TAOK3: variants seen among roughly 807,000 people sequenced by gnomAD.
TAOK3 encodes the protein TAO kinase 3.
Under a neutral mutation model 120.4 loss-of-function variants are expected in TAOK3, and 40 were observed. The observed-to-expected ratio is 0.33, with a 90% CI of 0.26 to 0.43. The LOEUF (loss-of-function observed/expected upper bound fraction) is 0.43. Ranked by LOEUF, TAOK3 falls within the 20% of genes least tolerant of loss-of-function variation. TAOK3 has a pLI of 1.00. For synonymous variants in TAOK3, 355 were observed against 387.5 expected (o/e 0.92, Z 0.99); for missense variants, 821 against 1,112.1 (o/e 0.74, Z 3.72).
intron 3 of TAOK3, among the ~76,000 whole-genome samples, chr12:118,254,570 A>T (rs2040898308): frequency 6.6e-6 from 1 of 152,224 alleles, no homozygotes; most frequent in Admixed American, 6.5e-5. Context: ...TTAGGGGTGG[A>T]GTCTTGAACA....
chr12:118,260,352 G>A (rs1183966444), intron 2 of TAOK3, among the ~76,000 whole-genome samples: 1 of 152,086 alleles, frequency 6.6e-6, no homozygotes, highest in Non-Finnish European at 1.5e-5. Context: ...TAACTTAACT[G>A]TGTTCCAGAA....
At chr12:118,294,547 C>A (rs578244743) in intron 1 of TAOK3, among the ~76,000 whole-genome samples, 2 of 152,152 alleles carry the variant, frequency 1.3e-5, no homozygotes, top group East Asian at 3.9e-4. Context: ...CCATGCCCAG[C>A]TAATTTTTGT....
intron 17 of TAOK3, among the ~76,000 whole-genome samples, chr12:118,166,794 C>T (rs982887555): frequency 6.9e-6 from 1 of 145,448 alleles, no homozygotes; most frequent in Non-Finnish European, 1.5e-5. Context: ...CACCCATGTA[C>T]TCAATGTATG....
chr12:118,311,492 A>G (rs2043260899), intron 1 of TAOK3, among the ~76,000 whole-genome samples: 1 of 152,192 alleles, frequency 6.6e-6, no homozygotes, highest in South Asian at 2.1e-4. Flanking sequence ...AGAGCTCACA[A>G]ATAAGTTTGT....
chr12:118,358,425 T>A (rs1284719828), intron 1 of TAOK3, among the ~76,000 whole-genome samples: 2 of 152,208 alleles, frequency 1.3e-5, no homozygotes, highest in Non-Finnish European at 2.9e-5. Context: ...TCCCTTTCTG[T>A]GAATGAAGAA....
chr12:118,215,873 C>A (rs559431301), intron 9 of TAOK3, among the ~76,000 whole-genome samples: 2 of 152,038 alleles, frequency 1.3e-5, no homozygotes, highest in African/African-American at 4.8e-5. Context: ...TGTGTGCCAC[C>A]ACGCTGGACT....
intron 1 of TAOK3, among the ~76,000 whole-genome samples, chr12:118,322,842 C>T (rs1286738347): frequency 1.3e-5 from 2 of 150,312 alleles, no homozygotes; most frequent in Admixed American, 6.7e-5. Context: ...TCTCCTGCCT[C>T]AGCCTCCCGA....
intron 2 of TAOK3, among the ~76,000 whole-genome samples, chr12:118,258,947 T>A (rs1005438329): frequency 2.0e-5 from 3 of 152,052 alleles, no homozygotes; most frequent in Non-Finnish European, 4.4e-5. Flanking sequence ...TTGGCTTCCA[T>A]GTGAATAAAG....
At chr12:118,174,029 GA>G (rs2138701929) in intron 16 of TAOK3, among the ~76,000 whole-genome samples, 1 of 152,284 alleles carries the variant, frequency 6.6e-6, no homozygotes, top group South Asian at 2.1e-4. Flanking sequence ...ATCACAAGAG[GA>G]AGCCTGGGTC....
chr12:118,342,957 A>AGAG (rs1555257894), intron 1 of TAOK3, among the ~76,000 whole-genome samples: 6 of 120,448 alleles, frequency 5.0e-5, no homozygotes, highest in African/African-American at 2.2e-4. Flanking sequence ...AAAAAAAAAA[A>AGAG]AGAGAGAGAG....
At chr12:118,365,223 C>A (rs906700593) in intron 1 of TAOK3, among the ~76,000 whole-genome samples, 1 of 152,020 alleles carries the variant, frequency 6.6e-6, no homozygotes, top group African/African-American at 2.4e-5. Flanking sequence ...AAATCAGTAT[C>A]TCTCTCTCTT....
intron 1 of TAOK3, among the ~76,000 whole-genome samples, chr12:118,369,263 A>G (rs1282097038): frequency 6.6e-6 from 1 of 152,336 alleles, no homozygotes; most frequent in South Asian, 2.1e-4. Context: ...CTCGTAGTAT[A>G]GTTTTAGTTT....
At chr12:118,236,666 T>A (rs760481144) in intron 7 of TAOK3, 3 of 152,076 alleles carry the variant, frequency 2.0e-5, no homozygotes, top group Non-Finnish European at 4.4e-5. Context: ...TCCTTCCTCA[T>A]GGTGACATTA....
chr12:118,364,136 CAAAA>C (rs1016659050), intron 1 of TAOK3, among the ~76,000 whole-genome samples: 1 of 151,388 alleles, frequency 6.6e-6, no homozygotes, highest in African/African-American at 2.4e-5. Flanking sequence ...AACTCCATCT[CAAAA>C]AACAAACAAA....
At chr12:118,237,932 CT>C (rs2040082987) in intron 7 of TAOK3, 140 bp downstream of exon 7, 2 of 540,236 alleles carry the variant, frequency 3.7e-6, no homozygotes, top group East Asian at 2.8e-5. Context: ...CAACTTTATC[CT>C]TTATATCCAG....
intron 1 of TAOK3, among the ~76,000 whole-genome samples, chr12:118,368,560 C>G (rs191162292): frequency 0.011 from 1,706 of 148,848 alleles, 15 homozygotes; most frequent in Middle Eastern, 0.024. Context: ...AATCCCAGCA[C>G]TTAGAGAAGC....
At chr12:118,234,212 ATTTTTTTTTTTTTTTTTTTTTTTTTTTT>A (rs763473530) in intron 8 of TAOK3, among the ~76,000 whole-genome samples, 1 of 58,320 alleles carries the variant, frequency 1.7e-5, no homozygotes, top group Non-Finnish European at 3.1e-5. Flanking sequence ...AAAGCAGGAA[ATTTTTTTTTTTTTTTTTTTTTTTTTTTT>A]TTTTTTGAGA....
chr12:118,152,161 T>C, intron 20 of TAOK3, 66 bp downstream of exon 20: 1 of 1,471,282 alleles, frequency 6.8e-7, no homozygotes, highest in Non-Finnish European at 9.4e-7. Context: ...GCTGCATATA[T>C]GGCAGTTCCC....
Position 118,182,315 on chromosome 12 carries a change from T to A in TAOK3, c.1330-708A>T, listed in dbSNP as rs182700155. ...AGGACTGGATTGGGAATCAGGCCCA[T>A]CTCTGTATAACTCCAGAGCCATGTT... On this transcript the variant is annotated intron_variant, in intron 14 of 20. Transcript: ENST00000392533. 2.6e-5 allele frequency among the ~76,000 whole-genome samples: 4 copies of A among 152,216 alleles called. No individual in the cohort carries two copies. In the East Asian group the frequency reaches 7.7e-4, roughly 29 times the overall value.
Sources: allele counts gnomAD v4.1 joint callset (sites outside exome capture counted in the v4.1 genomes callset), GRCh38; gene constraint gnomAD v4.1.1; transcripts MANE v1.5; gene names NCBI Gene and HGNC (gene_info 2026-07-23, HGNC 2026-07-21).